NODAL: variants seen among roughly 807,000 people sequenced by gnomAD.
NODAL encodes the protein nodal homolog.
A neutral mutation model predicts 34.0 loss-of-function variants in NODAL; 12 were observed. That is an observed-to-expected ratio of 0.35 (90% CI 0.23 to 0.57). The LOEUF is 0.57. NODAL is among the 20% of genes least tolerant of loss of function. The pLI is 0.83. For missense variants in NODAL, 390 were observed against 444.2 expected, an observed-to-expected ratio of 0.88 and a Z score of 1.10; for synonymous variants, 162 against 186.4, an observed-to-expected ratio of 0.87 and a Z score of 1.07.
chr10:70,445,956 C>A (rs1025253397), upstream of NODAL, among the ~76,000 whole-genome samples: 6 of 152,240 alleles, frequency 3.9e-5, no homozygotes, highest in African/African-American at 1.4e-4. Context: ...GCAAGAGCAA[C>A]TGTCTGACAA....
chr10:70,446,846 G>C (rs1222810257), intron 1 of NODAL, among the ~76,000 whole-genome samples: 1 of 152,054 alleles, frequency 6.6e-6, no homozygotes, highest in East Asian at 1.9e-4. Flanking sequence ...ATAGCTCCTG[G>C]CACACAGGTA....
rs2132215247 is a variant in NODAL at position 70,435,673 on chromosome 10, G to A, written c.504C>T (p.Ala168=). Residue 168 remains alanine, a synonymous_variant, in exon 2 of 3, where the codon GCC becomes GCT. Transcript: ENST00000287139. ...CTACCCTGGACATCTGCTTCTCCAG[G>A]GCCCCAGGGTGCTTCAGCCACTTGG... is the stretch of plus-strand genomic sequence containing the variant. ...PLSKWLKHPG[A]LEKQMSRVAG... is the part of the protein sequence containing the mutation. The A allele has an allele frequency of 6.2e-7, 1 of 1,614,094 alleles. No homozygotes were observed. The highest frequency in any genetic ancestry group is 8.5e-7 in the Non-Finnish European group (1 of 1,179,996).
In NODAL at chr10:70,447,945, G is replaced by A. The variant is rs1183393809; in HGVS notation, c.7C>T (p.Gln3Ter). 1 of 471,100 alleles carries A rather than the reference G, an allele frequency of 2.1e-6. No homozygotes were observed. Among genetic ancestry groups the A allele is most frequent in the Non-Finnish European group, 4.4e-6 (1 of 227,062 alleles). The allele number at this position is 471,100 out of a possible 1,614,324, so 29.2% of individuals were successfully genotyped here. ...CTACCTTTAGTCTGTATCCCCAACT[G>A]TTGGTCTTGGAGGCTGATGCCCAGG... The change falls in exon 1 of 3, where the codon CAG (glutamine) becomes TAG (stop). Residue 3 changes from glutamine (Q) to a stop codon, truncating the protein, a stop_gained. Coordinates refer to the NODAL transcript ENST00000414871. LOFTEE classifies it high-confidence loss of function.
Position 70,435,457 on chromosome 10 carries a change from C to T in NODAL, c.720G>A (p.Leu240=). The T allele has an allele frequency of 1.2e-6, 2 of 1,614,198 alleles. No individual in the cohort carries two copies. The highest frequency in any genetic ancestry group is 1.7e-6 in the Non-Finnish European group (2 of 1,180,038). Residue 240 remains leucine (L), a synonymous_variant, in exon 2 of 3, where the codon TTG becomes TTA. Transcript: ENST00000287139. ...EWGKRHRRHH[L]PDRSQLCRKV... ...TCCGACACAGTTGACTTCTGTCTGG[C>T]AAGTGATGTCGACGGTGCCTCTTGC...
At position 70,435,399 on chromosome 10, in the gene NODAL, C is replaced by T. The variant is rs121909283; in HGVS notation, c.778G>A (p.Gly260Arg). Reference sequence around the variant, plus strand: ...GGGTAGATGATCCAGGAGCCCCATCCGATCAGGTTGAAGTCCACCTGGAAC... The same window carrying T: ...GGGTAGATGATCCAGGAGCCCCATCTGATCAGGTTGAAGTCCACCTGGAAC... ...VKFQVDFNLI[G>R]WGSWIIYPKQ... The change falls in exon 2 of 3, where the codon GGA becomes AGA. Residue 260 changes from glycine to arginine, a missense_variant. Transcript: ENST00000287139. 7.1e-5 allele frequency: 114 copies of T among 1,614,028 alleles called. 1 individual carries two copies. In the Admixed American group the frequency reaches 1.6e-3, roughly 23 times the overall value.
At chr10:70,436,229 G>A in intron 1 of NODAL, 1 of 547,466 alleles carries the variant, frequency 1.8e-6, no homozygotes, top group Non-Finnish European at 3.3e-6. Context: ...AGAGCCAAGA[G>A]TAAACCTGGA....
At chr10:70,441,396 A>G in intron 1 of NODAL, 79 bp downstream of exon 1, 1 of 1,479,030 alleles carries the variant, frequency 6.8e-7, no homozygotes. Context: ...AACCCACAGC[A>G]CTTCCCGAGT....
upstream of NODAL, among the ~76,000 whole-genome samples, chr10:70,442,659 C>A (rs1845445558): frequency 6.6e-6 from 1 of 152,194 alleles, no homozygotes; most frequent in South Asian, 2.1e-4. Flanking sequence ...CTTAGCTCCC[C>A]CCACCTACCT....
intron 1 of NODAL, among the ~76,000 whole-genome samples, chr10:70,439,630 G>A (rs2132218584): frequency 6.6e-6 from 1 of 152,250 alleles, no homozygotes; most frequent in Admixed American, 6.5e-5. Context: ...ATGCAACTGC[G>A]GTGCAGCTTA....
At chr10:70,439,252 C>G (rs1019163374) in intron 1 of NODAL, among the ~76,000 whole-genome samples, 1 of 152,102 alleles carries the variant, frequency 6.6e-6, no homozygotes, top group African/African-American at 2.4e-5. Context: ...ATCCGACCAC[C>G]TCGGCCTCCC....
rs1845282318 is a variant in NODAL, at chr10:70,432,677, C to T, written c.*259G>A. The T allele has an allele frequency of 4.6e-5, 24 of 523,958 alleles. No homozygotes were observed. In the South Asian group the frequency reaches 4.9e-4, roughly 11 times the overall value. 32.5% of individuals were successfully genotyped at this position (523,958 alleles called of 1,614,324 possible). ...CACTTGTGCTTTTCCTTGCCACTGT[C>T]TTTTCAGTAAAGAGAACATCCAGCC... On this transcript the variant is annotated 3_prime_UTR_variant, in exon 3 of 3. Transcript: ENST00000287139.
chr10:70,432,982 A>G lies in NODAL; in HGVS notation c.998T>C (p.Leu333Pro). Reference protein sequence around the residue: ...MLYVDNGRVLLDHHKDMIVEE... With the variant: ...MLYVDNGRVLPDHHKDMIVEE... ...CACGATCATGTCTTTATGGTGATCTAGGAGCACTCTGCCATTATCCACATA... is the reference window on the plus strand; with the variant it reads ...CACGATCATGTCTTTATGGTGATCTGGGAGCACTCTGCCATTATCCACATA... The change falls in exon 3 of 3, where the codon CTA becomes CCA. Residue 333 changes from leucine to proline, a missense_variant. Physicochemically the swap from Leu to Pro is moderately conservative, Grantham distance 98 (BLOSUM62 -3). Coordinates refer to ENST00000287139, the MANE Select transcript of NODAL (RefSeq NM_018055.5). 6.2e-7 allele frequency: 1 copy of G among 1,614,122 alleles called. No individual in the cohort carries two copies. Among genetic ancestry groups the G allele is most frequent in the Non-Finnish European group, 8.5e-7 (1 of 1,180,026 alleles).
chr10:70,440,634 C>T (rs1036488803), intron 1 of NODAL, among the ~76,000 whole-genome samples: 4 of 152,198 alleles, frequency 2.6e-5, no homozygotes, highest in African/African-American at 4.8e-5. Flanking sequence ...GCTCCCTCTC[C>T]GCAGCACCCA....
chr10:70,439,605 T>A (rs1291804819), intron 1 of NODAL, among the ~76,000 whole-genome samples: 1 of 152,222 alleles, frequency 6.6e-6, no homozygotes, highest in Non-Finnish European at 1.5e-5. Flanking sequence ...CCAATTGGAC[T>A]CCAACATCCC....
chr10:70,435,459 A>G lies in NODAL; in HGVS notation c.718T>C (p.Leu240=). 6.2e-7 allele frequency: 1 copy of G among 1,614,142 alleles called. No individual in the cohort carries two copies. Among genetic ancestry groups the G allele is most frequent in the Non-Finnish European group, 8.5e-7 (1 of 1,180,006 alleles). ...EWGKRHRRHH[L]PDRSQLCRKV... is the part of the protein sequence containing the mutation. Reference sequence around the variant, plus strand: ...CGACACAGTTGACTTCTGTCTGGCAAGTGATGTCGACGGTGCCTCTTGCCC... The same window carrying G: ...CGACACAGTTGACTTCTGTCTGGCAGGTGATGTCGACGGTGCCTCTTGCCC... The change falls in exon 2 of 3, where the codon TTG becomes CTG. Residue 240 remains leucine, a synonymous_variant. Transcript: ENST00000287139.
At chr10:70,439,746 C>T (rs1364131626) in intron 1 of NODAL, among the ~76,000 whole-genome samples, 1 of 152,216 alleles carries the variant, frequency 6.6e-6, no homozygotes, top group East Asian at 1.9e-4. Context: ...GAGGCCAATT[C>T]ACAACGTAAC....
intron 2 of NODAL, 55 bp from the exon 3 acceptor site, chr10:70,433,143 A>C: frequency 6.3e-7 from 1 of 1,599,952 alleles, no homozygotes; most frequent in Admixed American, 1.7e-5. Context: ...AGGTCAGAAT[A>C]GTATTTCTGG....
chr10:70,447,122 G>A, intron 1 of NODAL, among the ~76,000 whole-genome samples: 1 of 140,700 alleles, frequency 7.1e-6, no homozygotes, highest in South Asian at 2.2e-4. Flanking sequence ...TCTCCAGGCT[G>A]GGGTGCAGTG....
chr10:70,434,581 T>A lies in NODAL; in HGVS notation c.891+705A>T, dbSNP rs577058359. 2.0e-5 allele frequency among the ~76,000 whole-genome samples: 3 copies of A among 152,342 alleles called. No individual in the cohort carries two copies. In the South Asian group the frequency reaches 6.2e-4, roughly 32 times the overall value. ...TGTCACCATGTTGGTCAGGCTGGTC[T>A]CAAACTCCTGACCTCAGGTGATCCG... On this transcript the variant is annotated intron_variant, in intron 2 of 2. Coordinates refer to ENST00000287139, the MANE Select transcript of NODAL (RefSeq NM_018055.5).
Sources: gnomAD v4.1 joint callset for allele counts (sites outside exome capture counted in the v4.1 genomes callset) on GRCh38, gnomAD v4.1.1 for gene constraint, MANE v1.5 for transcripts, NCBI Gene and HGNC (gene_info 2026-07-23, HGNC 2026-07-21) for gene names.